The following NSL1 variants were observed in gnomAD, a reference collection of about 807,000 sequenced individuals.
NSL1 encodes NSL1 component of MIS12 kinetochore complex.
Under a neutral mutation model 25.4 loss-of-function variants are expected in NSL1, and 11 were observed. The ratio of observed to expected loss-of-function variants is 0.43; its 90% CI spans 0.27 to 0.72. NSL1 has a LOEUF of 0.72. Ranked by LOEUF, NSL1 falls within the 30% of genes least tolerant of loss-of-function variation. The pLI, the probability that NSL1 is intolerant of heterozygous loss-of-function variation, is 0.19. For synonymous variants in NSL1, 118 were observed against 120.6 expected (o/e 0.98, Z 0.14); for missense variants, 330 against 342.7 (o/e 0.96, Z 0.29).
chr1:212,787,738 T>C, intron 1 of NSL1, 101 bp from the exon 2 acceptor site: 1 of 681,276 alleles, frequency 1.5e-6, no homozygotes. Context: ...ACAGAGGAAA[T>C]AAAAGTAGCA....
At position 212,732,387 on chromosome 1, in the gene NSL1, A is replaced by G; in HGVS notation, c.*6021T>C. 2 of 551,018 alleles carry G rather than the reference A, an allele frequency of 3.6e-6. No individual in the cohort carries two copies. Among genetic ancestry groups the G allele is most frequent in the African/African-American group, 2.1e-5 (1 of 46,988 alleles). 34.1% of individuals were successfully genotyped at this position (551,018 alleles called of 1,614,324 possible). On this transcript the variant is annotated 3_prime_UTR_variant, in exon 6 of 6. Coordinates refer to ENST00000366977, the MANE Select transcript of NSL1 (RefSeq NM_015471.4). ...GAGTGCGATGGCGTGATCTTGGCTC[A>G]CTGCAACCTCTGCCTCCTGGGTTCA...
rs939723461 is a variant in NSL1 at position 212,752,265 on chromosome 1, A to AT, written c.500-12665dup. 5.9e-5 allele frequency among the ~76,000 whole-genome samples: 9 copies of AT among 152,240 alleles called. No homozygotes were observed. In the East Asian group the frequency reaches 7.7e-4, roughly 13 times the overall value. On this transcript the variant is annotated intron_variant, in intron 4 of 5. Coordinates refer to ENST00000366977, the MANE Select transcript of NSL1 (RefSeq NM_015471.4). ...AACATATTTATTTATTTATTTATACATTTTTTTCCCAGTGGGAAGTGTATT... is the reference window on the plus strand; with the variant it reads ...AACATATTTATTTATTTATTTATACATTTTTTTTCCCAGTGGGAAGTGTATT...
rs1345566349 is a variant in NSL1 at position 212,736,324 on chromosome 1, T to C, written c.*2084A>G. The C allele has an allele frequency of 7.1e-6, 7 of 984,708 alleles. No homozygotes were observed. Among genetic ancestry groups the C allele is most frequent in the Admixed American group, 1.2e-4 (2 of 16,280 alleles). 61.0% of individuals were successfully genotyped at this position (984,708 alleles called of 1,614,324 possible). On this transcript the variant is annotated 3_prime_UTR_variant, in exon 6 of 6. Coordinates refer to ENST00000366977, the MANE Select transcript of NSL1 (RefSeq NM_015471.4). ...CAGGCATGAGCCCACCGCGCCTGGCTATTTCTTTTCTGAAAGATAATTTTA... is the reference window on the plus strand; with the variant it reads ...CAGGCATGAGCCCACCGCGCCTGGCCATTTCTTTTCTGAAAGATAATTTTA...
chr1:212,771,215 G>A (rs528053206), intron 4 of NSL1, among the ~76,000 whole-genome samples: 18 of 152,178 alleles, frequency 1.2e-4, no homozygotes, highest in Non-Finnish European at 2.6e-4. Flanking sequence ...TCAGGAGACT[G>A]AGGCAGGAGA....
At chr1:212,767,512 A>G (rs1659875453) in intron 4 of NSL1, among the ~76,000 whole-genome samples, 1 of 152,240 alleles carries the variant, frequency 6.6e-6, no homozygotes, top group Non-Finnish European at 1.5e-5. Context: ...TGGCTTAGGC[A>G]AAGAATTCAT....
At chr1:212,790,217 C>T (rs1661135636) in intron 1 of NSL1, among the ~76,000 whole-genome samples, 1 of 152,038 alleles carries the variant, frequency 6.6e-6, no homozygotes, top group African/African-American at 2.4e-5. Flanking sequence ...TTAGTAGAGA[C>T]GGGGTTTCAC....
At chr1:212,744,352 A>G (rs929753348) in intron 4 of NSL1, among the ~76,000 whole-genome samples, 14 of 152,236 alleles carry the variant, frequency 9.2e-5, no homozygotes, top group African/African-American at 2.7e-4. Context: ...AAAAGTCACT[A>G]AACAAACAAA....
At position 212,788,175 on chromosome 1, in the gene NSL1, A is replaced by G. The variant is rs1661025818; in HGVS notation, c.235-538T>C. The stretch of plus-strand genomic sequence containing the variant: ...ACGCCTATAATCCCATCACTTTGGG[A>G]AGCCAAGGCAAGAGGATTGCTTGAG... On this transcript the variant is annotated intron_variant, in intron 1 of 5. Transcript: ENST00000366977. Among the ~76,000 whole-genome samples, 3 of 152,256 alleles carry G rather than the reference A, an allele frequency of 2.0e-5. No homozygotes were observed. The South Asian group carries it at 6.2e-4, about 31-fold the overall frequency.
chr1:212,784,403 TC>T lies in NSL1; in HGVS notation c.403del (p.Glu135AsnfsTer7). On this transcript the variant is annotated frameshift_variant, in exon 3 of 6. Transcript: ENST00000366977. LOFTEE classifies it high-confidence loss of function. ...KRKQYPRKIL[E>X]CVIKTIKAKQ... ...TGCTTTTATGGTTTTGATGACACATTCCAGGATCTTTCTGGGATACTGCTTA... is the reference window on the plus strand; with the variant it reads ...TGCTTTTATGGTTTTGATGACACATTCAGGATCTTTCTGGGATACTGCTTA... 2 of 1,597,502 alleles carry T rather than the reference TC, an allele frequency of 1.3e-6. No homozygotes were observed. The highest frequency in any genetic ancestry group is 1.7e-6 in the Non-Finnish European group (2 of 1,169,354).
At chr1:212,781,383 A>G (rs188640988) in intron 4 of NSL1, among the ~76,000 whole-genome samples, 64 of 152,350 alleles carry the variant, frequency 4.2e-4, no homozygotes, top group Non-Finnish European at 7.4e-4. Context: ...ATTCAAAACC[A>G]AAACAAGTAT....
rs1658029835 is a variant in NSL1 at position 212,731,907 on chromosome 1, C to A, written c.*6501G>T. The A allele has an allele frequency of 1.0e-6, 1 of 985,290 alleles. No homozygotes were observed. The highest frequency in any genetic ancestry group is 1.2e-6 in the Non-Finnish European group (1 of 829,926). 61.0% of individuals were successfully genotyped at this position (985,290 alleles called of 1,614,324 possible). On this transcript the variant is annotated 3_prime_UTR_variant, in exon 6 of 6. Transcript: ENST00000366977. ...CACCCTACCCTGCCCCAGGACCCAG[C>A]AGCTATAAGGGCCTCCACACCCCAC...
chr1:212,781,917 G>C (rs1020353223), intron 4 of NSL1: 4 of 347,510 alleles, frequency 1.2e-5, no homozygotes, highest in South Asian at 9.4e-5. Context: ...GAGTTCAAAG[G>C]CATAATGAGT....
chr1:212,776,937 A>G (rs1269931019), intron 4 of NSL1, among the ~76,000 whole-genome samples: 1 of 152,050 alleles, frequency 6.6e-6, no homozygotes, highest in African/African-American at 2.4e-5. Flanking sequence ...GAAGCTAAAA[A>G]TAACGGGAAC....
chr1:212,754,040 T>C (rs938749652), intron 4 of NSL1, among the ~76,000 whole-genome samples: 2 of 152,106 alleles, frequency 1.3e-5, no homozygotes, highest in East Asian at 3.9e-4. Flanking sequence ...CTGAAATAAA[T>C]CTGGAGAGGT....
chr1:212,755,288 A>G (rs1308854171), intron 4 of NSL1, among the ~76,000 whole-genome samples: 1 of 152,104 alleles, frequency 6.6e-6, no homozygotes, highest in Non-Finnish European at 1.5e-5. Context: ...AATAGAAGAA[A>G]TGAGAAAGAA....
chr1:212,733,213 G>A lies in NSL1; in HGVS notation c.*5195C>T, dbSNP rs927878521. 4.6e-5 allele frequency among the ~76,000 whole-genome samples: 7 copies of A among 152,010 alleles called. No homozygotes were observed. Among genetic ancestry groups the A allele is most frequent in the African/African-American group, 1.2e-4 (5 of 41,348 alleles). ...AGCACTTTGGGAGGCAGAGGTGGGC[G>A]GATCGCTTGAGCTCACGAGTTTGAG... On this transcript the variant is annotated 3_prime_UTR_variant, in exon 6 of 6. Transcript: ENST00000366977.
intron 4 of NSL1, among the ~76,000 whole-genome samples, chr1:212,773,022 T>G (rs1219236722): frequency 6.6e-6 from 1 of 152,122 alleles, no homozygotes; most frequent in Non-Finnish European, 1.5e-5. Context: ...ACTCCTATCT[T>G]TCATCATAGA....
intron 4 of NSL1, among the ~76,000 whole-genome samples, chr1:212,757,933 A>G (rs1659390651): frequency 6.6e-6 from 1 of 152,224 alleles, no homozygotes; most frequent in Non-Finnish European, 1.5e-5. Context: ...ATATGTTTCC[A>G]AGGTAAAGGC....
Position 212,731,537 on chromosome 1 carries a change from A to G in NSL1, c.*6871T>C, listed in dbSNP as rs188848256. The G allele has an allele frequency of 3.4e-4, 339 of 985,176 alleles. No homozygotes were observed. The highest frequency in any genetic ancestry group is 4.0e-4 in the Non-Finnish European group (328 of 829,746). The allele number at this position is 985,176 out of a possible 1,614,324, so 61.0% of individuals were successfully genotyped here. On this transcript the variant is annotated 3_prime_UTR_variant, in exon 6 of 6. Transcript: ENST00000366977. ...CCAAATTTATTTTCCCTTAATTACT[A>G]TATGCATTTAATTTTAAAAATCAAA...
Sources: gnomAD v4.1 joint callset for allele counts (sites outside exome capture counted in the v4.1 genomes callset) on GRCh38, gnomAD v4.1.1 for gene constraint, MANE v1.5 for transcripts, NCBI Gene and HGNC (gene_info 2026-07-23, HGNC 2026-07-21) for gene names.